The following ETV1 variants were observed in gnomAD, a reference collection of about 807,000 sequenced individuals.
ETV1 encodes the protein ETS translocation variant 1.
A neutral mutation model predicts 62.3 loss-of-function variants in ETV1; 27 were observed. The ratio of observed to expected loss-of-function variants is 0.43; its 90% confidence interval spans 0.32 to 0.60. ETV1 has a LOEUF of 0.60. Among genes scored for constraint, ETV1 ranks in the 20% least tolerant of loss-of-function variants. The pLI is 0.06. For synonymous variants in ETV1, 222 were observed against 199.6 expected, an observed-to-expected ratio of 1.11 and a Z score of -0.94; for missense variants, 605 against 605.8, an observed-to-expected ratio of 1.00 and a Z score of 0.01.
chr7:13,974,853 T>G (rs1781266765), intron 6 of ETV1: 1 of 152,290 alleles, frequency 6.6e-6, no homozygotes, highest in South Asian at 2.1e-4. Flanking sequence ...CGTTAAAGAT[T>G]GGAGTTGGCG....
Position 13,931,668 on chromosome 7 carries a change from T to A in ETV1, c.636A>T (p.Gln212His). The change falls in exon 9 of 14, where the codon CAA becomes CAT. Residue 212 changes from glutamine to histidine, a missense_variant. Physicochemically the swap from Gln to His is conservative, Grantham distance 24. Around this residue, in one of 3 missense-constraint regions of ETV1, gnomAD observed 426 missense variants for 377.8 expected, o/e 1.13. Coordinates refer to ENST00000430479, the MANE Select transcript of ETV1 (RefSeq NM_004956.5). ...TMPREGRPMY[Q>H]RQMSEPNIPF... ...GGATGTTTGGCTCAGACATCTGGCG[T>A]TGGTACATAGGACGTCCTTCCCTTG... 1 of 1,613,806 alleles carries A rather than the reference T, an allele frequency of 6.2e-7. No individual in the cohort carries two copies. The highest frequency in any genetic ancestry group is 1.1e-5 in the South Asian group (1 of 91,060).
chr7:13,905,849 T>C (rs1340324218), intron 12 of ETV1, among the ~76,000 whole-genome samples: 1 of 152,318 alleles, frequency 6.6e-6, no homozygotes, highest in Non-Finnish European at 1.5e-5. Context: ...AAAATGTTTC[T>C]ACCAGGCCTG....
intron 5 of ETV1, among the ~76,000 whole-genome samples, chr7:13,982,386 G>A (rs1450089839): frequency 6.6e-6 from 1 of 151,806 alleles, no homozygotes. Context: ...TATTTATTAG[G>A]ATCCTCTGGA....
intron 6 of ETV1, among the ~76,000 whole-genome samples, chr7:13,969,685 A>G (rs1171108945): frequency 2.0e-5 from 3 of 152,200 alleles, no homozygotes; most frequent in Admixed American, 6.5e-5. Context: ...ATTTTTATTC[A>G]TGCCCAGGTC....
In ETV1 at chr7:13,989,649, G is replaced by A; in HGVS notation, c.-371C>T. ...ATTATAGCCCAGCACTTCCCCCTTG[G>A]AAGCCGAAAGCGCCTCTGACAGAGC... On this transcript the variant is annotated 5_prime_UTR_variant, in exon 1 of 14. Coordinates refer to ENST00000430479, the MANE Select transcript of ETV1 (RefSeq NM_004956.5). 1 of 398,944 alleles carries A rather than the reference G, an allele frequency of 2.5e-6. No homozygotes were observed. The allele number at this position is 398,944 out of a possible 1,614,324, so 24.7% of individuals were successfully genotyped here. A position where few individuals can be genotyped will look rare whatever the true frequency, so the allele number is the denominator to read the frequency against.
At chr7:13,906,184 A>G (rs771241605) in intron 12 of ETV1, 82 of 337,304 alleles carry the variant, frequency 2.4e-4, no homozygotes, top group Non-Finnish European at 3.9e-4. Flanking sequence ...ATAAAGGTGC[A>G]AAGCATGCTC....
intron 13 of ETV1, among the ~76,000 whole-genome samples, chr7:13,899,965 C>G (rs1467037789): frequency 6.6e-6 from 1 of 152,178 alleles, no homozygotes; most frequent in East Asian, 1.9e-4. Context: ...GCCATCTCTT[C>G]TAAGAACACA....
At chr7:13,950,774 T>G (rs1355018298) in intron 6 of ETV1, among the ~76,000 whole-genome samples, 4 of 152,142 alleles carry the variant, frequency 2.6e-5, no homozygotes, top group Non-Finnish European at 4.4e-5. Flanking sequence ...CCTGATGATC[T>G]AACTCAGAGG....
intron 6 of ETV1, among the ~76,000 whole-genome samples, chr7:13,943,223 C>T (rs942217218): frequency 2.0e-5 from 3 of 152,072 alleles, no homozygotes; most frequent in South Asian, 2.1e-4. Context: ...CAAATCGGAA[C>T]GACAACAAAA....
chr7:13,904,140 A>T (rs559216570), intron 12 of ETV1, among the ~76,000 whole-genome samples: 14 of 152,238 alleles, frequency 9.2e-5, no homozygotes, highest in Non-Finnish European at 1.6e-4. Flanking sequence ...AAGAAATTTA[A>T]ACAAGACCCT....
At chr7:13,922,181 T>C (rs554065246) in intron 9 of ETV1, among the ~76,000 whole-genome samples, 1 of 152,254 alleles carries the variant, frequency 6.6e-6, no homozygotes, top group Non-Finnish European at 1.5e-5. Context: ...GTTTTAGATA[T>C]TGTGGTTTTT....
chr7:13,952,599 G>A (rs998469805), intron 6 of ETV1, among the ~76,000 whole-genome samples: 8 of 152,192 alleles, frequency 5.3e-5, no homozygotes, highest in Middle Eastern at 3.4e-3. Context: ...CATGTAATAC[G>A]GTTAACATTT....
intron 6 of ETV1, among the ~76,000 whole-genome samples, chr7:13,967,890 T>C (rs1780469158): frequency 6.6e-6 from 1 of 152,124 alleles, no homozygotes; most frequent in African/African-American, 2.4e-5. Context: ...TAGTTTCAAA[T>C]ACTAATAATT....
rs1428138172 is a variant in ETV1, at chr7:13,892,193, A to G, written c.*3673T>C. 1.3e-5 allele frequency: 3 copies of G among 232,472 alleles called. No individual in the cohort carries two copies. Among genetic ancestry groups the G allele is most frequent in the African/African-American group, 6.6e-5 (3 of 45,328 alleles). The allele number at this position is 232,472 out of a possible 1,614,324, so 14.4% of individuals were successfully genotyped here. A position where few individuals can be genotyped will look rare whatever the true frequency, so the allele number is the denominator to read the frequency against. On this transcript the variant is annotated 3_prime_UTR_variant, in exon 14 of 14. Coordinates refer to ENST00000430479, the MANE Select transcript of ETV1 (RefSeq NM_004956.5). The stretch of plus-strand genomic sequence containing the variant: ...CCCATATTAACACCAAAAGAAATGT[A>G]TTAAAAAATAAAATCTGGATTAGAC...
chr7:13,988,893 G>A (rs947764864), intron 3 of ETV1, 115 bp downstream of exon 3: 6 of 1,544,018 alleles, frequency 3.9e-6, no homozygotes, highest in Non-Finnish European at 5.3e-6. Context: ...TGGCAACAAA[G>A]CAGATAAGTA....
chr7:13,975,768 T>C (rs2128499110), intron 6 of ETV1, among the ~76,000 whole-genome samples: 1 of 151,896 alleles, frequency 6.6e-6, no homozygotes, highest in South Asian at 2.1e-4. Flanking sequence ...AGAGACTAAA[T>C]ATTCAATAAG....
chr7:13,926,874 T>G (rs1463343915), intron 9 of ETV1, among the ~76,000 whole-genome samples: 1 of 152,138 alleles, frequency 6.6e-6, no homozygotes, highest in Non-Finnish European at 1.5e-5. Context: ...GAATAAAAAT[T>G]TATACTCTAC....
intron 9 of ETV1, among the ~76,000 whole-genome samples, chr7:13,925,044 T>C (rs892245921): frequency 4.6e-5 from 7 of 152,188 alleles, no homozygotes; most frequent in Admixed American, 6.5e-5. Flanking sequence ...ACATATGATG[T>C]TGAGTTCTCA....
chr7:13,988,374 G>T, intron 3 of ETV1: 1 of 580,194 alleles, frequency 1.7e-6, no homozygotes, highest in Non-Finnish European at 3.0e-6. Flanking sequence ...TGTTAAGCAG[G>T]CAGGGAGAGT....
Sources: gnomAD v4.1 joint callset for allele counts (sites outside exome capture counted in the v4.1 genomes callset) on GRCh38, gnomAD v4.1.1 for gene constraint, gnomAD v4.1.1 regional missense constraint, MANE v1.5 for transcripts, NCBI Gene and HGNC (gene_info 2026-07-23, HGNC 2026-07-21) for gene names.